MIER2: variants seen among roughly 807,000 people sequenced by gnomAD.
MIER2 encodes the protein mesoderm induction early response protein 2.
MIER2 carries 30 observed loss-of-function variants against 67.6 expected under a neutral mutation model. The observed-to-expected ratio is 0.44, with a 90% CI of 0.33 to 0.60. The LOEUF (loss-of-function observed/expected upper bound fraction) is 0.60. Among genes scored for constraint, MIER2 ranks in the 20% least tolerant of loss-of-function variants. The probability of loss-of-function intolerance (pLI) is 0.02; values close to 1 mark genes in which losing one functional copy is unlikely to be tolerated. For synonymous variants in MIER2, 372 were observed against 312.6 expected (o/e 1.19, Z -2.00); for missense variants, 702 against 745.1 (o/e 0.94, Z 0.67).
intron 6 of MIER2, 22 bp downstream of exon 6, chr19:326,485 G>C: frequency 1.2e-6 from 2 of 1,605,288 alleles, no homozygotes; most frequent in Non-Finnish European, 8.5e-7. Flanking sequence ...TGCCAGGTTG[G>C]GGAGATGGCA....
intron 4 of MIER2, among the ~76,000 whole-genome samples, chr19:327,489 G>C (rs1239619866): frequency 1.3e-5 from 2 of 152,220 alleles, no homozygotes; most frequent in Admixed American, 1.3e-4. Flanking sequence ...CTGGGCACAC[G>C]CCCGGAGTGC....
intron 3 of MIER2, among the ~76,000 whole-genome samples, chr19:331,837 C>T (rs562632936): frequency 2.6e-5 from 4 of 151,238 alleles, no homozygotes; most frequent in South Asian, 4.2e-4. Flanking sequence ...AAAAATTTGC[C>T]GGGCGTGGTG....
Position 325,650 on chromosome 19 carries a change from G to A in MIER2, c.640C>T (p.Arg214Trp), listed in dbSNP as rs375512079. The change falls in exon 7 of 14, where the codon CGG becomes TGG. Residue 214 changes from arginine to tryptophan, a missense_variant. This residue lies in a region of MIER2 where 320 missense variants were observed against 292.6 expected (regional missense o/e 1.09). Transcript: ENST00000264819. ...QADLSNLHLN[R>W]HCEKIYENED... Reference sequence around the variant, plus strand: ...CCCTACTTACTCTTCTCACAGTGCCGGTTCAAGTGCAGGTTGCTGAGGTCA... The same window carrying A: ...CCCTACTTACTCTTCTCACAGTGCCAGTTCAAGTGCAGGTTGCTGAGGTCA... 96 of 1,614,054 alleles carry A rather than the reference G, an allele frequency of 5.9e-5. No individual in the cohort carries two copies. In the East Asian group the frequency reaches 1.1e-3, roughly 18 times the overall value.
intron 7 of MIER2, 70 bp from the exon 8 acceptor site, chr19:313,713 A>G: frequency 6.4e-7 from 1 of 1,557,034 alleles, no homozygotes; most frequent in South Asian, 1.2e-5. Flanking sequence ...AGGACAAGCA[A>G]AGCAGCCAAC....
intron 10 of MIER2, among the ~76,000 whole-genome samples, chr19:310,853 C>CCAGAAACACGGCCCGGAGCTA (rs1970968461): frequency 7.2e-6 from 1 of 138,866 alleles, no homozygotes; most frequent in South Asian, 2.4e-4. Flanking sequence ...GCCCACAACT[C>CCAGAAACACGGCCCGGAGCTA]CAGAAACACG....
At chr19:307,821 C>A (rs1311155522) in intron 12 of MIER2, among the ~76,000 whole-genome samples, 2 of 152,114 alleles carry the variant, frequency 1.3e-5, no homozygotes, top group Non-Finnish European at 2.9e-5. Flanking sequence ...GCCGGGGGCA[C>A]TGCAGAGGGT....
intron 9 of MIER2, 28 bp downstream of exon 9, chr19:312,163 C>T (rs372256729): frequency 5.8e-6 from 9 of 1,553,210 alleles, no homozygotes; most frequent in Admixed American, 1.8e-5. Context: ...GGGGCCGCAG[C>T]GGAAGGAAGG....
chr19:327,321 G>T, intron 4 of MIER2, 65 bp from the exon 5 acceptor site: 1 of 1,529,590 alleles, frequency 6.5e-7, no homozygotes, highest in Admixed American at 2.1e-5. Context: ...TACCACTAAT[G>T]ATAACAACAG....
intron 7 of MIER2, among the ~76,000 whole-genome samples, chr19:316,586 G>A (rs117919969): frequency 0.017 from 2,658 of 152,238 alleles, 33 homozygotes; most frequent in Middle Eastern, 0.037. Context: ...CACCACAGCC[G>A]GCTCATATGT....
intron 1 of MIER2, among the ~76,000 whole-genome samples, chr19:337,417 C>T (rs770224438): frequency 1.3e-5 from 2 of 152,176 alleles, no homozygotes; most frequent in Non-Finnish European, 2.9e-5. Flanking sequence ...AGGGAGCTTC[C>T]TTCTTGGAAA....
At chr19:307,646 A>G in intron 12 of MIER2, 110 bp from the exon 13 acceptor site, 1 of 1,168,656 alleles carries the variant, frequency 8.6e-7, no homozygotes, top group Non-Finnish European at 1.1e-6. Context: ...CCCTCCCCAG[A>G]AAAGCCTCCA....
rs759718077 is a variant in MIER2 at position 327,946 on chromosome 19, T to C, written c.287A>G (p.Tyr96Cys). ...GTCTGAAATGGGGTCTGACGCCTCGTAGCCATAGAGCGCAAGCAGCTCATC... is the reference window on the plus strand; with the variant it reads ...GTCTGAAATGGGGTCTGACGCCTCGCAGCCATAGAGCGCAAGCAGCTCATC... ...PFDELLALYG[Y>C]EASDPISDRE... Residue 96 changes from tyrosine (Y) to cysteine (C), a missense_variant, in exon 4 of 14, where the codon TAC (tyrosine) becomes TGC (cysteine). Tyr to Cys is a radical substitution (Grantham distance 194). This residue lies in a region of MIER2 where 320 missense variants were observed against 292.6 expected (regional missense o/e 1.09). Coordinates refer to ENST00000264819, the MANE Select transcript of MIER2 (RefSeq NM_017550.3). 4.3e-6 allele frequency: 7 copies of C among 1,612,892 alleles called. No homozygotes were observed. The highest frequency in any genetic ancestry group is 2.2e-5 in the East Asian group (1 of 44,676).
chr19:328,278 G>C (rs1176933197), intron 3 of MIER2, among the ~76,000 whole-genome samples: 7 of 152,154 alleles, frequency 4.6e-5, no homozygotes, highest in African/African-American at 1.4e-4. Flanking sequence ...GGAATACAAG[G>C]ATGGTGTGAC....
At chr19:335,224 G>A (rs973014106) in intron 2 of MIER2, among the ~76,000 whole-genome samples, 1 of 152,270 alleles carries the variant, frequency 6.6e-6, no homozygotes, top group African/African-American at 2.4e-5. Flanking sequence ...AGAGAGCAGT[G>A]TAGGCCAAGG....
rs1970643979 is a variant in MIER2, at chr19:306,266, C to A, written c.*424G>T. 3 of 211,446 alleles carry A rather than the reference C, an allele frequency of 1.4e-5. No homozygotes were observed. Among genetic ancestry groups the A allele is most frequent in the Non-Finnish European group, 2.8e-5 (3 of 106,910 alleles). The allele number at this position is 211,446 out of a possible 1,614,324, so 13.1% of individuals were successfully genotyped here. A position where few individuals can be genotyped will look rare whatever the true frequency, so the allele number is the denominator to read the frequency against. ...AGAGCCAAGCAGGGAGCTGAGGGCG[C>A]CCCGGCGGAGGCTGCTGGTGCGGGG... On this transcript the variant is annotated 3_prime_UTR_variant, in exon 14 of 14. Coordinates refer to ENST00000264819, the MANE Select transcript of MIER2 (RefSeq NM_017550.3).
At position 344,788 on chromosome 19, in the gene MIER2, T is replaced by C; in HGVS notation, c.-6A>G. 2 of 1,196,008 alleles carry C rather than the reference T, an allele frequency of 1.7e-6. No individual in the cohort carries two copies. The highest frequency in any genetic ancestry group is 8.3e-5 in the South Asian group (2 of 24,046). The allele number at this position is 1,196,008 out of a possible 1,614,324, so 74.1% of individuals were successfully genotyped here. The stretch of plus-strand genomic sequence containing the variant: ...CGCTCACTCACCTCCGCCATGGCCG[T>C]GTGTGCGCGGGAGGCGGTGGCCGCG... On this transcript the variant is annotated 5_prime_UTR_variant, in exon 1 of 14. Coordinates refer to ENST00000264819, the MANE Select transcript of MIER2 (RefSeq NM_017550.3).
chr19:341,572 C>T (rs1221422672), intron 1 of MIER2, among the ~76,000 whole-genome samples: 2 of 152,100 alleles, frequency 1.3e-5, no homozygotes, highest in Admixed American at 6.6e-5. Context: ...TTCTTCCTCC[C>T]GCTGCCCCTG....
At chr19:318,263 T>C (rs1049097583) in intron 7 of MIER2, among the ~76,000 whole-genome samples, 1 of 151,976 alleles carries the variant, frequency 6.6e-6, no homozygotes, top group Non-Finnish European at 1.5e-5. Flanking sequence ...GAAAAAAGAA[T>C]GGGAAAAAAC....
chr19:308,790 G>A lies in MIER2; in HGVS notation c.1109+11C>T. 2 of 1,598,420 alleles carry A rather than the reference G, an allele frequency of 1.3e-6. No homozygotes were observed. Among genetic ancestry groups the A allele is most frequent in the Non-Finnish European group, 1.7e-6 (2 of 1,167,938 alleles). ...CCGCCTGTCGTTACTGCTGGGGAGG[G>A]CTGCACGCACGTGGTTCCGGACGGG... On this transcript the variant is annotated intron_variant, in intron 11 of 13. Coordinates refer to ENST00000264819, the MANE Select transcript of MIER2 (RefSeq NM_017550.3). The surrounding 1 kb of genome is among the most constrained non-coding windows in gnomAD (Gnocchi z 9.1).
Sources: allele counts gnomAD v4.1 joint callset (sites outside exome capture counted in the v4.1 genomes callset), GRCh38; gene constraint gnomAD v4.1.1; regional missense constraint gnomAD v4.1.1; non-coding constraint Gnocchi (gnomAD v3.1); transcripts MANE v1.5; gene names NCBI Gene and HGNC (gene_info 2026-07-23, HGNC 2026-07-21).